Variants in PRAG1 observed in about 807,000 individuals in gnomAD.
PRAG1 encodes the protein PEAK1 related, kinase-activating pseudokinase 1.
In PRAG1, 110 loss-of-function variants were observed where a neutral mutation model predicts 95.6. The observed-to-expected ratio is 1.15, with a 90% CI of 0.99 to 1.35. PRAG1 has a LOEUF of 1.35. Among genes scored for constraint, PRAG1 ranks in the 40% most tolerant of loss-of-function variants. The pLI, the probability that PRAG1 is intolerant of heterozygous loss-of-function variation, is 0.00. For missense variants in PRAG1, 2,554 were observed against 1,864.7 expected (o/e 1.37, Z -6.81); for synonymous variants, 1,052 against 819.4 (o/e 1.28, Z -4.85).
At chr8:8,363,964 C>G (rs1289706381) in intron 3 of PRAG1, among the ~76,000 whole-genome samples, 2 of 152,088 alleles carry the variant, frequency 1.3e-5, no homozygotes, top group Non-Finnish European at 2.9e-5. Flanking sequence ...TAGTTTATTT[C>G]ATAATCATAA....
Position 8,318,241 on chromosome 8 carries a change from C to T in PRAG1, c.4134G>A (p.Glu1378=). 1 of 1,614,198 alleles carries T rather than the reference C, an allele frequency of 6.2e-7. No homozygotes were observed. Among genetic ancestry groups the T allele is most frequent in the Non-Finnish European group, 8.5e-7 (1 of 1,180,024 alleles). ...EKAVDRRRGV[E]LEDWLCCQYL... ...ACTGGCAGCAAAGCCAGTCCTCCAG[C>T]TCCACGCCCCGCCTGCGATCCACCG... Residue 1378 remains glutamate, a synonymous_variant, in exon 6 of 6, where the codon GAG becomes GAA. Transcript: ENST00000615670. The surrounding 1 kb of genome is among the most constrained non-coding windows in gnomAD (Gnocchi z 4.2).
At chr8:8,343,059 A>G (rs1401186042) in intron 3 of PRAG1, among the ~76,000 whole-genome samples, 1 of 152,222 alleles carries the variant, frequency 6.6e-6, no homozygotes, top group Non-Finnish European at 1.5e-5. Context: ...CTATAAATCT[A>G]AGAAACAGAC....
In PRAG1 at chr8:8,376,554, A is replaced by T. The variant is rs375961403; in HGVS notation, c.1855T>A (p.Ser619Thr). The change falls in exon 3 of 6, where the codon TCA becomes ACA. Residue 619 changes from serine to threonine, a missense_variant. Physicochemically the swap from Ser to Thr is moderately conservative, Grantham distance 58 (BLOSUM62 1). Coordinates refer to ENST00000615670, the MANE Select transcript of PRAG1 (RefSeq NM_001080826.3). The part of the protein sequence containing the change: ...PSRCPQPAAS[S>T]ASEQRRPRFQ... Reference sequence around the variant, plus strand: ...CTGGGCCGCCTCTGTTCCGAGGCTGACGAGGCGGCAGGCTGGGGACACCTG... The same window carrying T: ...CTGGGCCGCCTCTGTTCCGAGGCTGTCGAGGCGGCAGGCTGGGGACACCTG... 2.7e-5 allele frequency: 43 copies of T among 1,609,086 alleles called. No individual in the cohort carries two copies. In the African/African-American group the frequency reaches 5.6e-4, roughly 21 times the overall value.
intron 3 of PRAG1, among the ~76,000 whole-genome samples, chr8:8,368,955 G>A (rs1281518229): frequency 6.6e-6 from 1 of 151,418 alleles, no homozygotes; most frequent in African/African-American, 2.4e-5. Context: ...AATAGAGACC[G>A]GTAGCAGGAA....
chr8:8,354,576 C>T (rs565915045), intron 3 of PRAG1, among the ~76,000 whole-genome samples: 19 of 152,208 alleles, frequency 1.2e-4, no homozygotes, highest in African/African-American at 2.6e-4. Context: ...CAAAAGATTA[C>T]GTAATGTGAC....
chr8:8,373,821 G>A (rs950558921), intron 3 of PRAG1, among the ~76,000 whole-genome samples: 1 of 152,046 alleles, frequency 6.6e-6, no homozygotes, highest in African/African-American at 2.4e-5. Context: ...GAACCTCCAA[G>A]ATTCCCATCA....
intron 3 of PRAG1, among the ~76,000 whole-genome samples, chr8:8,346,217 C>G (rs771365462): frequency 2.6e-5 from 4 of 152,238 alleles, no homozygotes; most frequent in Non-Finnish European, 5.9e-5. Context: ...CTGGTGCAAA[C>G]CATCTGCAAA....
chr8:8,327,978 T>C lies in PRAG1; in HGVS notation c.2804A>G (p.Gln935Arg), dbSNP rs578106794. The C allele has an allele frequency of 1.2e-6, 2 of 1,601,558 alleles. No homozygotes were observed. The highest frequency in any genetic ancestry group is 1.3e-5 in the African/African-American group (1 of 74,702). The change falls in exon 5 of 6, where the codon CAG becomes CGG. Residue 935 changes from glutamine (Q) to arginine (R), a missense_variant. Coordinates refer to ENST00000615670, the MANE Select transcript of PRAG1 (RefSeq NM_001080826.3). ...VSSQASTGST[Q>R]LQLHGLLSNI... Reference sequence around the variant, plus strand: ...GCTCAGGAGACCGTGCAGCTGAAGCTGGGTGCTCCCGGTGGAGGCTTGACT... The same window carrying C: ...GCTCAGGAGACCGTGCAGCTGAAGCCGGGTGCTCCCGGTGGAGGCTTGACT...
In PRAG1 at chr8:8,339,542, G is replaced by A. The variant is rs775232113; in HGVS notation, c.2256C>T (p.His752=). ...ESLSPSFRGV[H]VSFTTGSTDS... ...CCGTGGAGCCGGTGGTGAAGCTGAC[G>A]TGGACACCCCTGAAGGATGGGCTGA... Residue 752 remains histidine, a synonymous_variant, in exon 4 of 6, where the codon CAC becomes CAT. Transcript: ENST00000615670. 1.3e-5 allele frequency: 21 copies of A among 1,614,032 alleles called. No individual in the cohort carries two copies. The highest frequency in any genetic ancestry group is 6.7e-5 in the Admixed American group (4 of 60,008).
rs141889067 is a variant in PRAG1 at position 8,322,273 on chromosome 8, C to T, written c.3073-2971G>A. On this transcript the variant is annotated intron_variant, in intron 5 of 5. Coordinates refer to ENST00000615670, the MANE Select transcript of PRAG1 (RefSeq NM_001080826.3). ...TCGGCTCACTGCAATGTCTGCCTCC[C>T]GGGTTCAAGCGATTCTTCTGCCTCA... Among the ~76,000 whole-genome samples, 179 of 152,156 alleles carry T rather than the reference C, an allele frequency of 1.2e-3. 3 individuals are homozygous for T. The highest frequency in any genetic ancestry group is 1.3e-3 in the South Asian group (6 of 4,800).
At chr8:8,322,193 T>G (rs1798492255) in intron 5 of PRAG1, among the ~76,000 whole-genome samples, 1 of 152,180 alleles carries the variant, frequency 6.6e-6, no homozygotes, top group African/African-American at 2.4e-5. Context: ...TTGTTTTGTT[T>G]TGTTTTTGAG....
chr8:8,318,520 C>T lies in PRAG1; in HGVS notation c.3855G>A (p.Glu1285=). 9 of 1,612,296 alleles carry T rather than the reference C, an allele frequency of 5.6e-6. No homozygotes were observed. Among genetic ancestry groups the T allele is most frequent in the African/African-American group, 1.3e-5 (1 of 75,034 alleles). ...ACAGCGCGGGCAGCGGCGGCAGGTC[C>T]TCCTGCCGGTAGTCTCTCTCCCGCA... The part of the protein sequence containing the change: ...AQLRERDYRQ[E]DLPPLPALSL... The change falls in exon 6 of 6, where the codon GAG becomes GAA. Residue 1285 remains glutamate (E), a synonymous_variant. Coordinates refer to ENST00000615670, the MANE Select transcript of PRAG1 (RefSeq NM_001080826.3). The surrounding 1 kb of genome is among the most constrained non-coding windows in gnomAD (Gnocchi z 4.2).
At chr8:8,370,899 A>G (rs982844312) in intron 3 of PRAG1, among the ~76,000 whole-genome samples, 1 of 152,114 alleles carries the variant, frequency 6.6e-6, no homozygotes, top group Non-Finnish European at 1.5e-5. Context: ...CTGTAATCCC[A>G]ACACTTTGGC....
At chr8:8,321,277 GT>G (rs1296231894) in intron 5 of PRAG1, among the ~76,000 whole-genome samples, 1 of 152,086 alleles carries the variant, frequency 6.6e-6, no homozygotes, top group African/African-American at 2.4e-5. Flanking sequence ...TACAGACAAG[GT>G]TTTGCCATGT....
chr8:8,379,701 T>C (rs1399756169), intron 2 of PRAG1, among the ~76,000 whole-genome samples: 3 of 152,210 alleles, frequency 2.0e-5, no homozygotes, highest in African/African-American at 7.2e-5. Context: ...TAGCAAGCAG[T>C]TCCTAGGATA....
chr8:8,334,437 A>G (rs909528754), intron 4 of PRAG1, among the ~76,000 whole-genome samples: 1 of 149,290 alleles, frequency 6.7e-6, no homozygotes, highest in Non-Finnish European at 1.5e-5. Context: ...CTCCATCTCA[A>G]AAAAAAAAAA....
intron 3 of PRAG1, among the ~76,000 whole-genome samples, chr8:8,347,617 C>G (rs1185291184): frequency 6.6e-6 from 1 of 152,118 alleles, no homozygotes; most frequent in African/African-American, 2.4e-5. Context: ...GCCTGTGTTA[C>G]CTGCAGTGGA....
At chr8:8,338,992 G>C (rs534603144) in intron 4 of PRAG1, among the ~76,000 whole-genome samples, 3 of 152,316 alleles carry the variant, frequency 2.0e-5, no homozygotes, top group East Asian at 3.9e-4. Flanking sequence ...AAGCAGGCTA[G>C]ATGGTGGCCT....
intron 4 of PRAG1, among the ~76,000 whole-genome samples, chr8:8,334,972 G>A (rs920921923): frequency 6.6e-6 from 1 of 151,890 alleles, no homozygotes; most frequent in Non-Finnish European, 1.5e-5. Flanking sequence ...CCTAGCTGCT[G>A]AGGCAGGAGA....
Sources: gnomAD v4.1 joint callset for allele counts (sites outside exome capture counted in the v4.1 genomes callset) on GRCh38, gnomAD v4.1.1 for gene constraint, Gnocchi (gnomAD v3.1) non-coding constraint, MANE v1.5 for transcripts, NCBI Gene and HGNC (gene_info 2026-07-23, HGNC 2026-07-21) for gene names.